The following ATP8B4 variants were observed in gnomAD, a reference collection of about 807,000 sequenced individuals.
ATP8B4 encodes the protein ATPase phospholipid transporting 8B4 (putative).
ATP8B4 carries 133 observed loss-of-function variants against 145.6 expected under a neutral mutation model. The observed-to-expected ratio is 0.91, with a 90% CI of 0.79 to 1.05. The LOEUF (loss-of-function observed/expected upper bound fraction) is 1.05, where lower values mean the gene tolerates loss of function less well. Among genes scored for constraint, ATP8B4 ranks in the 50% least tolerant of loss-of-function variants. The pLI is 0.00. For missense variants in ATP8B4, 1,458 were observed against 1,425.2 expected (o/e 1.02, Z -0.37); for synonymous variants, 507 against 492.9 (o/e 1.03, Z -0.38).
At chr15:50,070,275 C>A (rs1295776530) in intron 3 of ATP8B4, among the ~76,000 whole-genome samples, 1 of 151,736 alleles carries the variant, frequency 6.6e-6, no homozygotes, top group Non-Finnish European at 1.5e-5. Flanking sequence ...AGGATGCTGC[C>A]TTTCTTAAAA....
chr15:50,061,260 G>T (rs1053182992), intron 3 of ATP8B4, among the ~76,000 whole-genome samples: 24 of 151,858 alleles, frequency 1.6e-4, no homozygotes, highest in African/African-American at 5.3e-4. Context: ...CAAATAAAAA[G>T]ATCAGATCAA....
intron 2 of ATP8B4, among the ~76,000 whole-genome samples, chr15:50,075,520 G>C (rs960232085): frequency 6.6e-6 from 1 of 152,178 alleles, no homozygotes; most frequent in Non-Finnish European, 1.5e-5. Flanking sequence ...GTAACCACCT[G>C]CATGGTTTCC....
chr15:50,094,994 C>T (rs568091415), intron 2 of ATP8B4, among the ~76,000 whole-genome samples: 4 of 152,056 alleles, frequency 2.6e-5, no homozygotes, highest in South Asian at 4.1e-4. Flanking sequence ...TGGGTTCAAC[C>T]GAACCCAGTT....
intron 16 of ATP8B4, among the ~76,000 whole-genome samples, chr15:49,929,074 C>T (rs557765329): frequency 6.6e-6 from 1 of 152,176 alleles, no homozygotes; most frequent in African/African-American, 2.4e-5. Context: ...TTGTAACAAG[C>T]CCTCCTGGTG....
rs544533382 is a variant in ATP8B4 at position 49,951,830 on chromosome 15, C to T, written c.1287+10147G>A. On this transcript the variant is annotated intron_variant, in intron 14 of 27. Transcript: ENST00000284509. ...TAATGTATTTTTTCAGTGGCTGGTA[C>T]GGGTTTTTCCTTTCCATATTCAGTG... Among the ~76,000 whole-genome samples, 770 of 152,178 alleles carry T rather than the reference C, an allele frequency of 5.1e-3. 8 individuals are homozygous for T. The highest frequency in any genetic ancestry group is 0.018 in the African/African-American group (729 of 41,524).
At chr15:50,083,501 G>C (rs868385116) in intron 2 of ATP8B4, among the ~76,000 whole-genome samples, 3 of 152,072 alleles carry the variant, frequency 2.0e-5, no homozygotes, top group Admixed American at 1.3e-4. Context: ...CTAGAAGCCA[G>C]AGGGCATTTA....
chr15:49,960,055 G>A (rs1209682275), intron 14 of ATP8B4, among the ~76,000 whole-genome samples: 13 of 142,354 alleles, frequency 9.1e-5, no homozygotes, highest in South Asian at 4.4e-4. Context: ...TTTTGGAGAC[G>A]GAGTCTCTGT....
chr15:49,949,025 A>G (rs559165142), intron 14 of ATP8B4, among the ~76,000 whole-genome samples: 4 of 151,938 alleles, frequency 2.6e-5, no homozygotes, highest in African/African-American at 9.7e-5. Flanking sequence ...CCATTAGTCT[A>G]TATGTTTGTT....
intron 3 of ATP8B4, among the ~76,000 whole-genome samples, chr15:50,064,019 C>T (rs1042871307): frequency 6.6e-6 from 1 of 152,074 alleles, no homozygotes; most frequent in African/African-American, 2.4e-5. Flanking sequence ...GAGGTCCCCT[C>T]TTCTAAAGGG....
At chr15:49,946,135 C>A (rs1304735238) in intron 14 of ATP8B4, among the ~76,000 whole-genome samples, 1 of 152,096 alleles carries the variant, frequency 6.6e-6, no homozygotes, top group Non-Finnish European at 1.5e-5. Flanking sequence ...TAAATGAATT[C>A]TGTAAAGTTA....
chr15:50,096,934 T>G (rs1026046650), intron 2 of ATP8B4, among the ~76,000 whole-genome samples: 2 of 152,192 alleles, frequency 1.3e-5, no homozygotes, highest in African/African-American at 4.8e-5. Flanking sequence ...CACTGTCTTA[T>G]GTATGTCACT....
At chr15:50,030,441 G>C (rs192910961) in intron 6 of ATP8B4, among the ~76,000 whole-genome samples, 1 of 152,130 alleles carries the variant, frequency 6.6e-6, no homozygotes, top group Non-Finnish European at 1.5e-5. Flanking sequence ...TAATAGGGGG[G>C]AGATCAATTT....
chr15:50,094,474 T>A (rs1213095261), intron 2 of ATP8B4, among the ~76,000 whole-genome samples: 1 of 151,634 alleles, frequency 6.6e-6, no homozygotes, highest in Non-Finnish European at 1.5e-5. Context: ...CATTTATACA[T>A]AATATAAATG....
chr15:50,073,303 T>C (rs2053972040), intron 3 of ATP8B4, among the ~76,000 whole-genome samples: 1 of 151,904 alleles, frequency 6.6e-6, no homozygotes, highest in Admixed American at 6.6e-5. Context: ...TTCTCATTGT[T>C]CGACTCCCAC....
At chr15:49,986,735 T>C (rs1192857253) in intron 10 of ATP8B4, among the ~76,000 whole-genome samples, 2 of 152,192 alleles carry the variant, frequency 1.3e-5, no homozygotes, top group Admixed American at 6.5e-5. Flanking sequence ...ATGAGTACAA[T>C]TTGAGTGGCT....
At chr15:49,872,852 T>G (rs893447130) in intron 25 of ATP8B4, among the ~76,000 whole-genome samples, 1 of 152,156 alleles carries the variant, frequency 6.6e-6, no homozygotes, top group East Asian at 1.9e-4. Flanking sequence ...TGGAGAAATC[T>G]GAATCAAATC....
At chr15:49,897,610 G>A in intron 22 of ATP8B4, 95 bp from the exon 23 acceptor site, 2 of 1,050,238 alleles carry the variant, frequency 1.9e-6, no homozygotes, top group Non-Finnish European at 2.6e-6. Context: ...AAAACTTACA[G>A]CCATTGCAAT....
chr15:50,138,313 GATA>G (rs1287734426), intron 1 of ATP8B4, among the ~76,000 whole-genome samples: 4 of 132,530 alleles, frequency 3.0e-5, no homozygotes, highest in African/African-American at 1.1e-4. Flanking sequence ...TACATATATA[GATA>G]GATAGATAGG....
At chr15:50,158,248 G>A (rs1315822887) in intron 1 of ATP8B4, among the ~76,000 whole-genome samples, 1 of 151,524 alleles carries the variant, frequency 6.6e-6, no homozygotes. Flanking sequence ...CCTCTGCCCG[G>A]CTGCCCAGTC....
Sources: gnomAD v4.1 joint callset for allele counts (sites outside exome capture counted in the v4.1 genomes callset) on GRCh38, gnomAD v4.1.1 for gene constraint, MANE v1.5 for transcripts, NCBI Gene and HGNC (gene_info 2026-07-23, HGNC 2026-07-21) for gene names.